CLEC3B: variants seen among roughly 807,000 people sequenced by gnomAD.
CLEC3B encodes the protein C-type lectin domain family 3 member B.
A neutral mutation model predicts 15.4 loss-of-function variants in CLEC3B; 13 were observed. That is an observed-to-expected ratio of 0.84 (90% CI 0.55 to 1.34). The LOEUF is 1.34. Ranked by LOEUF, CLEC3B falls within the 40% of genes most tolerant of loss-of-function variation. CLEC3B has a pLI of 0.00. For synonymous variants in CLEC3B, 112 were observed against 114.7 expected (o/e 0.98, Z 0.15); for missense variants, 242 against 268.6 (o/e 0.90, Z 0.69).
At chr3:45,030,082 C>T in intron 1 of CLEC3B, 1 of 727,586 alleles carries the variant, frequency 1.4e-6, no homozygotes, top group Non-Finnish European at 1.7e-6. Flanking sequence ...GACACGTTAC[C>T]TGTGTCATAG....
intron 2 of CLEC3B, among the ~76,000 whole-genome samples, 181 bp from the exon 3 acceptor site, chr3:45,035,343 C>G (rs1697622599): frequency 6.6e-6 from 1 of 152,138 alleles, no homozygotes; most frequent in Non-Finnish European, 1.5e-5. Context: ...TAGTGGCCAC[C>G]ACAGCCAGGT....
chr3:45,030,759 C>G, intron 1 of CLEC3B, 68 bp from the exon 2 acceptor site: 2 of 1,080,506 alleles, frequency 1.9e-6, no homozygotes, highest in Non-Finnish European at 2.8e-6. Flanking sequence ...TCTCATCCCT[C>G]TGCAGCTAAG....
chr3:45,032,075 C>T (rs1426724086), intron 2 of CLEC3B, among the ~76,000 whole-genome samples: 2 of 151,868 alleles, frequency 1.3e-5, no homozygotes, highest in Non-Finnish European at 1.5e-5. Flanking sequence ...TATGCTGCCC[C>T]TCGAGTTATC....
At position 45,035,579 on chromosome 3, in the gene CLEC3B, G is replaced by A. The variant is rs1414917803; in HGVS notation, c.264G>A (p.Thr88=). 13 of 1,613,766 alleles carry A rather than the reference G, an allele frequency of 8.1e-6. No homozygotes were observed. In the Admixed American group the frequency reaches 8.3e-5, roughly 10 times the overall value. The change falls in exon 3 of 3, where the codon ACG becomes ACA. Residue 88 remains threonine (T), a synonymous_variant. Transcript: ENST00000296130. ...AATGCTTTCTGGCCTTCACCCAGACGAAGACCTTCCACGAGGCCAGCGAGG... is the reference window on the plus strand; with the variant it reads ...AATGCTTTCTGGCCTTCACCCAGACAAAGACCTTCCACGAGGCCAGCGAGG... ...HMKCFLAFTQ[T]KTFHEASEDC... is the part of the protein sequence containing the mutation.
At chr3:45,035,390 TG>T in intron 2 of CLEC3B, 133 bp from the exon 3 acceptor site, 1 of 1,227,336 alleles carries the variant, frequency 8.1e-7, no homozygotes, top group Non-Finnish European at 1.1e-6. Context: ...CCCTTTTGCC[TG>T]GGTCTAAGGG....
rs1417102027 is a variant in CLEC3B, at chr3:45,026,384, C to T, written c.22C>T (p.Leu8Phe). 1.9e-6 allele frequency: 3 copies of T among 1,614,046 alleles called. No individual in the cohort carries two copies. In the Admixed American group the frequency reaches 5.0e-5, roughly 27 times the overall value. MELWGAYLLLCLFSLLTQ... is the reference protein window; with the variant it reads MELWGAYFLLCLFSLLTQ... ...CAGCATGGAGCTCTGGGGGGCCTAC[C>T]TCCTCCTCTGCCTCTTCTCCCTCCT... The change falls in exon 1 of 3, where the codon CTC (leucine) becomes TTC (phenylalanine). Residue 8 changes from leucine (L) to phenylalanine (F), a missense_variant. By Grantham distance (22) the Leu-to-Phe change is conservative (BLOSUM62 0). Transcript: ENST00000296130.
At chr3:45,028,499 T>C (rs1238933183) in intron 1 of CLEC3B, among the ~76,000 whole-genome samples, 1 of 152,170 alleles carries the variant, frequency 6.6e-6, no homozygotes, top group East Asian at 1.9e-4. Flanking sequence ...GAGGTTGCAA[T>C]GGGCCGAGAT....
chr3:45,027,464 A>G (rs1697499651), intron 1 of CLEC3B, among the ~76,000 whole-genome samples: 1 of 152,254 alleles, frequency 6.6e-6, no homozygotes, highest in Non-Finnish European at 1.5e-5. Flanking sequence ...CATCTTCAAG[A>G]TTCAGTTTAC....
chr3:45,032,871 G>A (rs567786628), intron 2 of CLEC3B, among the ~76,000 whole-genome samples: 2 of 152,188 alleles, frequency 1.3e-5, no homozygotes, highest in South Asian at 4.1e-4. Flanking sequence ...CCAACTCCAG[G>A]CATCATGAGT....
chr3:45,035,226 G>A (rs1697620565), intron 2 of CLEC3B, among the ~76,000 whole-genome samples: 1 of 152,180 alleles, frequency 6.6e-6, no homozygotes. Flanking sequence ...TGGAGGCCTG[G>A]GAAGGGGTGT....
chr3:45,035,452 GGCCTGGGCGGTTGGCTCTTT>G, intron 2 of CLEC3B, 52 bp from the exon 3 acceptor site: 19 of 1,537,924 alleles, frequency 1.2e-5, no homozygotes, highest in Non-Finnish European at 1.7e-5. Flanking sequence ...CGGTGGGCTT[GGCCTGGGCGGTTGGCTCTTT>G]GCCTGGGGAA....
intron 1 of CLEC3B, among the ~76,000 whole-genome samples, chr3:45,028,241 C>A (rs1697510591): frequency 1.3e-5 from 2 of 152,352 alleles, no homozygotes; most frequent in East Asian, 1.9e-4. Flanking sequence ...GCATCAACAT[C>A]ATCTGGGAGA....
At chr3:45,027,925 T>A (rs1263004123) in intron 1 of CLEC3B, among the ~76,000 whole-genome samples, 1 of 151,960 alleles carries the variant, frequency 6.6e-6, no homozygotes, top group Non-Finnish European at 1.5e-5. Context: ...TAAATCTTTT[T>A]AAACTCATGT....
intron 1 of CLEC3B, among the ~76,000 whole-genome samples, chr3:45,027,978 C>T (rs1697505831): frequency 6.6e-6 from 1 of 151,962 alleles, no homozygotes; most frequent in Admixed American, 6.6e-5. Flanking sequence ...TGGTTCTCTC[C>T]AGCTGTCACA....
At chr3:45,032,106 T>G (rs1697567205) in intron 2 of CLEC3B, among the ~76,000 whole-genome samples, 1 of 151,814 alleles carries the variant, frequency 6.6e-6, no homozygotes, top group African/African-American at 2.4e-5. Context: ...TCACCTTGAC[T>G]CCTCAGCAAA....
intron 2 of CLEC3B, among the ~76,000 whole-genome samples, chr3:45,034,938 C>T (rs2125980934): frequency 6.6e-6 from 1 of 152,288 alleles, no homozygotes; most frequent in South Asian, 2.1e-4. Context: ...GAAGTGTGGC[C>T]TAGGCTGTAG....
rs1697641321 is a variant in CLEC3B at position 45,036,052 on chromosome 3, G to T, written c.*128G>T. On this transcript the variant is annotated 3_prime_UTR_variant, in exon 3 of 3. Coordinates refer to ENST00000296130, the MANE Select transcript of CLEC3B (RefSeq NM_003278.3). ...GAGCCTCTTTTTGCAAATAAAGTTG[G>T]TGCAGCTTCGCGGAGAGGAGAGGCG... 13 of 1,156,870 alleles carry T rather than the reference G, an allele frequency of 1.1e-5. No homozygotes were observed. The highest frequency in any genetic ancestry group is 1.5e-5 in the Non-Finnish European group (13 of 845,314). 71.7% of individuals were successfully genotyped at this position (1,156,870 alleles called of 1,614,324 possible). A position where few individuals can be genotyped will look rare whatever the true frequency, so the allele number is the denominator to read the frequency against.
At chr3:45,031,832 A>C (rs917721483) in intron 2 of CLEC3B, among the ~76,000 whole-genome samples, 1 of 149,028 alleles carries the variant, frequency 6.7e-6, no homozygotes, top group African/African-American at 2.5e-5. Flanking sequence ...GACTATTTAC[A>C]TGTGAGCCCA....
intron 2 of CLEC3B, among the ~76,000 whole-genome samples, chr3:45,032,684 G>A (rs1045590954): frequency 6.6e-6 from 1 of 152,236 alleles, no homozygotes; most frequent in Non-Finnish European, 1.5e-5. Flanking sequence ...ACTTTGGACA[G>A]CTTGCTTGGC....
Sources: gnomAD v4.1 joint callset for allele counts (sites outside exome capture counted in the v4.1 genomes callset) on GRCh38, gnomAD v4.1.1 for gene constraint, MANE v1.5 for transcripts, NCBI Gene and HGNC (gene_info 2026-07-23, HGNC 2026-07-21) for gene names.